C7: variants seen among roughly 807,000 people sequenced by gnomAD.
C7 encodes complement component C7.
In C7, 83 loss-of-function variants were observed where a neutral mutation model predicts 104.8. The ratio of observed to expected loss-of-function variants is 0.79; its 90% CI spans 0.66 to 0.95. C7 has a LOEUF of 0.95. Among genes scored for constraint, C7 ranks in the 40% least tolerant of loss-of-function variants. The probability of loss-of-function intolerance (pLI) is 0.00; values close to 1 mark genes in which losing one functional copy is unlikely to be tolerated. For synonymous variants in C7, 415 were observed against 360.6 expected (o/e 1.15, Z -1.71); for missense variants, 1,070 against 1,011.2 (o/e 1.06, Z -0.79).
At chr5:40,968,785 A>G (rs990875325) in intron 14 of C7, among the ~76,000 whole-genome samples, 2 of 149,654 alleles carry the variant, frequency 1.3e-5, no homozygotes, top group Non-Finnish European at 3.0e-5. Flanking sequence ...CTAATTTTGT[A>G]CTTTTTAGTA....
intron 8 of C7, among the ~76,000 whole-genome samples, chr5:40,949,098 T>G (rs1442472436): frequency 6.6e-6 from 1 of 152,094 alleles, no homozygotes; most frequent in African/African-American, 2.4e-5. Context: ...TTCTTTTTAT[T>G]GCACTTAAAA....
intron 1 of C7, among the ~76,000 whole-genome samples, chr5:40,914,761 G>C (rs183476131): frequency 6.6e-6 from 1 of 152,156 alleles, no homozygotes; most frequent in East Asian, 1.9e-4. Context: ...CTATTCTCAA[G>C]AGAATACAAG....
intron 12 of C7, among the ~76,000 whole-genome samples, chr5:40,961,391 T>C (rs1220866975): frequency 1.3e-5 from 1 of 77,966 alleles, no homozygotes; most frequent in Admixed American, 1.2e-4. Flanking sequence ...TACCTTCTTC[T>C]TTTTTTTTTT....
At chr5:40,917,749 C>CGCTAA (rs1312648285) in intron 1 of C7, among the ~76,000 whole-genome samples, 1 of 152,118 alleles carries the variant, frequency 6.6e-6, no homozygotes, top group Non-Finnish European at 1.5e-5. Flanking sequence ...AGTCACTTAG[C>CGCTAA]CTTCTCCATG....
At chr5:40,921,979 A>C (rs1739447316) in intron 1 of C7, among the ~76,000 whole-genome samples, 1 of 152,152 alleles carries the variant, frequency 6.6e-6, no homozygotes, top group African/African-American at 2.4e-5. Context: ...TGGAAGTTGC[A>C]GTGAGCTAAG....
chr5:40,956,863 T>C (rs1044739787), intron 10 of C7, among the ~76,000 whole-genome samples: 1 of 152,246 alleles, frequency 6.6e-6, no homozygotes, highest in Non-Finnish European at 1.5e-5. Context: ...CCTGTATTCA[T>C]TGTCAGCATC....
chr5:40,941,713 G>A (rs1739940397), intron 6 of C7, among the ~76,000 whole-genome samples: 1 of 152,128 alleles, frequency 6.6e-6, no homozygotes, highest in Admixed American at 6.5e-5. Context: ...GATATGAATG[G>A]GTTTCTGACT....
intron 14 of C7, among the ~76,000 whole-genome samples, chr5:40,971,108 G>A (rs1717874180): frequency 6.6e-6 from 1 of 152,062 alleles, no homozygotes; most frequent in Non-Finnish European, 1.5e-5. Flanking sequence ...CCCAGTAACG[G>A]GATTGCTGGG....
intron 1 of C7, among the ~76,000 whole-genome samples, chr5:40,913,312 G>A (rs1406155395): frequency 6.6e-6 from 1 of 152,230 alleles, no homozygotes; most frequent in South Asian, 2.1e-4. Flanking sequence ...CCTTTGGGTA[G>A]ATACCCAGTA....
At chr5:40,916,575 A>T (rs1158709299) in intron 1 of C7, among the ~76,000 whole-genome samples, 1 of 152,204 alleles carries the variant, frequency 6.6e-6, no homozygotes, top group Admixed American at 6.5e-5. Context: ...GACCTTAAGG[A>T]AATGCTCGAA....
rs1201015021 is a variant in C7, at chr5:40,959,592, T to C, written c.1633T>C (p.Cys545Arg). Residue 545 changes from cysteine (C) to arginine (R), a missense_variant, in exon 12 of 18, where the codon TGC becomes CGC. Transcript: ENST00000313164. ...TGGAGAAACGACAGAAAGCACACAA[T>C]GCGAAGATGAGGAGCTGGAGCACTT... ...CVGETTESTQ[C>R]EDEELEHLRL... 1.2e-6 allele frequency: 2 copies of C among 1,604,802 alleles called. No individual in the cohort carries two copies. The highest frequency in any genetic ancestry group is 1.7e-5 in the Admixed American group (1 of 59,020).
intron 9 of C7, 119 bp from the exon 10 acceptor site, chr5:40,955,268 C>A: frequency 2.2e-6 from 2 of 918,128 alleles, no homozygotes; most frequent in South Asian, 3.3e-5. Flanking sequence ...TTCTTTCTGA[C>A]CACAATTTAT....
chr5:40,977,074 C>T (rs764520697), intron 16 of C7, among the ~76,000 whole-genome samples: 4 of 152,106 alleles, frequency 2.6e-5, no homozygotes, highest in East Asian at 1.9e-4. Flanking sequence ...CAGGACTACT[C>T]GAGCACTGCT....
intron 16 of C7, among the ~76,000 whole-genome samples, chr5:40,977,562 TGAG>T (rs879577778): frequency 2.0e-5 from 3 of 152,146 alleles, no homozygotes; most frequent in Non-Finnish European, 2.9e-5. Flanking sequence ...GAGATGGCCC[TGAG>T]GAGGAGCTGA....
Position 40,945,220 on chromosome 5 carries a change from A to G in C7, c.590A>G (p.Asn197Ser), listed in dbSNP as rs374503886. 35 of 1,507,680 alleles carry G rather than the reference A, an allele frequency of 2.3e-5. No homozygotes were observed. The African/African-American group carries it at 4.5e-4, about 20-fold the overall frequency. The allele number at this position is 1,507,680 out of a possible 1,614,324, so 93.4% of individuals were successfully genotyped here. ...TAGGTGAAAATAAATAATGATTTTA[A>G]TTATGAATTTTACAATAGTACTTGG... ...TFQVKINNDF[N>S]YEFYNSTWSY... The change falls in exon 7 of 18, where the codon AAT (asparagine) becomes AGT (serine). Residue 197 changes from asparagine to serine, a missense_variant. By Grantham distance (46) the Asn-to-Ser change is conservative. Transcript: ENST00000313164.
chr5:40,961,993 C>A, intron 12 of C7, 92 bp from the exon 13 acceptor site: 1 of 540,410 alleles, frequency 1.9e-6, no homozygotes, highest in Non-Finnish European at 3.0e-6. Context: ...GAATGGAGTT[C>A]CTTCAGATAC....
At chr5:40,919,308 A>G (rs1289204978) in intron 1 of C7, among the ~76,000 whole-genome samples, 20 of 152,100 alleles carry the variant, frequency 1.3e-4, no homozygotes. Context: ...TATTTTTAGT[A>G]GAGACGGGGT....
chr5:40,917,769 C>T (rs1247235010), intron 1 of C7, among the ~76,000 whole-genome samples: 1 of 152,100 alleles, frequency 6.6e-6, no homozygotes. Context: ...GGTTCTTTCA[C>T]TTTTTATACT....
rs558030823 is a variant in C7, at chr5:40,909,531, T to A, written c.-80T>A. The A allele has an allele frequency of 2.5e-4, 287 of 1,126,110 alleles. No individual in the cohort carries two copies. In the African/African-American group the frequency reaches 4.0e-3, roughly 16 times the overall value. The allele number at this position is 1,126,110 out of a possible 1,614,324, so 69.8% of individuals were successfully genotyped here. ...CAGAGAGGCAGGCAGCCTGCTGGGCTCTTCCTGCTGTTGAAAACTTACCCG... is the reference window on the plus strand; with the variant it reads ...CAGAGAGGCAGGCAGCCTGCTGGGCACTTCCTGCTGTTGAAAACTTACCCG... On this transcript the variant is annotated 5_prime_UTR_variant, in exon 1 of 18. Coordinates refer to ENST00000313164, the MANE Select transcript of C7 (RefSeq NM_000587.4).
Sources: allele counts gnomAD v4.1 joint callset (sites outside exome capture counted in the v4.1 genomes callset), GRCh38; gene constraint gnomAD v4.1.1; transcripts MANE v1.5; gene names NCBI Gene and HGNC (gene_info 2026-07-23, HGNC 2026-07-21).